Variants in PDE4D observed in about 807,000 individuals in gnomAD.
PDE4D encodes the protein phosphodiesterase 4D, also known as 3',5'-cyclic-AMP phosphodiesterase 4D.
PDE4D carries 24 observed loss-of-function variants against 87.4 expected under a neutral mutation model. The ratio of observed to expected loss-of-function variants is 0.27; its 90% confidence interval spans 0.20 to 0.39. The LOEUF (loss-of-function observed/expected upper bound fraction) is 0.39. Among genes scored for constraint, PDE4D ranks in the 10% least tolerant of loss-of-function variants. PDE4D has a pLI of 1.00. For missense variants in PDE4D, 714 were observed against 1,041.0 expected (o/e 0.69, Z 4.32); for synonymous variants, 384 against 383.2 (o/e 1.00, Z -0.02).
intron 2 of PDE4D, among the ~76,000 whole-genome samples, chr5:60,115,317 C>T (rs933861195): frequency 1.3e-5 from 2 of 151,986 alleles, no homozygotes; most frequent in African/African-American, 4.8e-5. Flanking sequence ...GGGTAAGATT[C>T]GCCACCATGT....
chr5:59,656,377 T>A (rs181312751), intron 1 of PDE4D, among the ~76,000 whole-genome samples: 1 of 152,358 alleles, frequency 6.6e-6, no homozygotes, highest in East Asian at 1.9e-4. Flanking sequence ...GGAAGTTATG[T>A]GACAAGGACA....
intron 5 of PDE4D, among the ~76,000 whole-genome samples, chr5:59,092,099 A>G (rs1449956047): frequency 6.6e-6 from 1 of 152,202 alleles, no homozygotes; most frequent in Non-Finnish European, 1.5e-5. Flanking sequence ...TTTTAATCTC[A>G]GTGATCTCTA....
At chr5:59,206,017 G>A (rs1748716956) in intron 2 of PDE4D, among the ~76,000 whole-genome samples, 1 of 152,142 alleles carries the variant, frequency 6.6e-6, no homozygotes, top group Admixed American at 6.5e-5. Context: ...AGAGAGGGTT[G>A]CAGGAATTGA....
chr5:59,289,193 C>T (rs34739), intron 1 of PDE4D, among the ~76,000 whole-genome samples: 2 of 151,764 alleles, frequency 1.3e-5, no homozygotes, highest in Admixed American at 1.3e-4. Context: ...AGTTTTAAAG[C>T]GGGGGACAAA....
At chr5:60,079,473 T>G (rs1416128857) in intron 2 of PDE4D, among the ~76,000 whole-genome samples, 2 of 152,222 alleles carry the variant, frequency 1.3e-5, no homozygotes, top group Non-Finnish European at 2.9e-5. Context: ...TGAATAGTAT[T>G]GCCTAGGTTT....
rs1756591372 is a variant in PDE4D at position 60,324,444 on chromosome 5, C to T, written c.-89-138757G>A. ...AAAAGTGTCTCTTGAAAGAACAGAACTGTCAATCCCAACTCAAAGATGCTG... is the reference window on the plus strand; with the variant it reads ...AAAAGTGTCTCTTGAAAGAACAGAATTGTCAATCCCAACTCAAAGATGCTG... On this transcript the variant is annotated intron_variant, in intron 1 of 16. Coordinates refer to the PDE4D transcript ENST00000502484. Among the ~76,000 whole-genome samples the T allele has an allele frequency of 2.0e-5, 3 of 152,320 alleles. No individual in the cohort carries two copies. In the South Asian group the frequency reaches 6.2e-4, roughly 32 times the overall value.
intron 1 of PDE4D, among the ~76,000 whole-genome samples, chr5:59,552,390 C>T (rs1818266152): frequency 1.3e-5 from 2 of 152,242 alleles, no homozygotes; most frequent in African/African-American, 4.8e-5. Flanking sequence ...TAAATACCCA[C>T]ATAGCTATAA....
intron 1 of PDE4D, among the ~76,000 whole-genome samples, chr5:59,635,551 C>A (rs1046145867): frequency 1.3e-5 from 2 of 152,156 alleles, no homozygotes; most frequent in Admixed American, 6.6e-5. Context: ...ACGATCAAGT[C>A]GGCTTCATCC....
rs956888989 is a variant in PDE4D at position 59,380,745 on chromosome 5, T to C, written c.456-164777A>G. On this transcript the variant is annotated intron_variant, in intron 1 of 14. Coordinates refer to ENST00000340635, the MANE Select transcript of PDE4D (RefSeq NM_001104631.2). ...ATTTCATTCTTAGACCAAGTGTTTA[T>C]CTGTATCTGAAGGGGGCCAACATAC... is the stretch of plus-strand genomic sequence containing the variant. Among the ~76,000 whole-genome samples, 9 of 152,192 alleles carry C rather than the reference T, an allele frequency of 5.9e-5. No homozygotes were observed. In the South Asian group the frequency reaches 1.2e-3, roughly 21 times the overall value.
At chr5:60,445,347 TTA>T (rs1316416035) in intron 1 of PDE4D, among the ~76,000 whole-genome samples, 24 of 152,188 alleles carry the variant, frequency 1.6e-4, no homozygotes, top group African/African-American at 5.5e-4. Context: ...AAATTTTATA[TTA>T]TGTTTTTTCA....
chr5:60,153,615 A>G (rs2149446307), intron 2 of PDE4D, among the ~76,000 whole-genome samples: 1 of 152,372 alleles, frequency 6.6e-6, no homozygotes, highest in East Asian at 1.9e-4. Context: ...ATATAGTATC[A>G]AACTACATGT....
chr5:58,975,815 C>T lies in PDE4D; in HGVS notation c.1855G>A (p.Ala619Thr), dbSNP rs1313607193. 1 of 1,592,894 alleles carries T rather than the reference C, an allele frequency of 6.3e-7. No individual in the cohort carries two copies. The highest frequency in any genetic ancestry group is 1.8e-5 in the Admixed American group (1 of 57,068). ...IQVLQNMVHC[A>T]DLSNPTKPLQ... ...GGCTTTGTTGGGTTGCTCAGATCTG[C>T]ACAGTGCACCATATTCTGAAGAACC... is the stretch of plus-strand genomic sequence containing the variant. Residue 619 changes from alanine to threonine, a missense_variant, in exon 14 of 15, where the codon GCA (alanine) becomes ACA (threonine). By Grantham distance (58) the Ala-to-Thr change is moderately conservative. Around this residue, in one of 7 missense-constraint regions of PDE4D, gnomAD observed 97 missense variants for 176.9 expected, o/e 0.55. Coordinates refer to ENST00000340635, the MANE Select transcript of PDE4D (RefSeq NM_001104631.2). The surrounding 1 kb of genome is among the most constrained non-coding windows in gnomAD (Gnocchi z 4.2).
chr5:60,050,755 G>A (rs571399659), intron 2 of PDE4D, among the ~76,000 whole-genome samples: 6 of 152,236 alleles, frequency 3.9e-5, no homozygotes, highest in African/African-American at 1.4e-4. Flanking sequence ...TGGATAAAGA[G>A]GCAAGATCCA....
intron 1 of PDE4D, among the ~76,000 whole-genome samples, chr5:59,872,391 T>A (rs1214149243): frequency 6.6e-6 from 1 of 152,090 alleles, no homozygotes; most frequent in Admixed American, 6.6e-5. Context: ...AATCAGCAAG[T>A]TTTTTGCAAT....
intron 1 of PDE4D, among the ~76,000 whole-genome samples, chr5:60,399,134 T>C (rs1347959839): frequency 6.6e-6 from 1 of 152,224 alleles, no homozygotes; most frequent in African/African-American, 2.4e-5. Flanking sequence ...TATTTTATAG[T>C]TGCACTCTCA....
chr5:60,221,816 G>A (rs1461174519), intron 1 of PDE4D, among the ~76,000 whole-genome samples: 1 of 152,080 alleles, frequency 6.6e-6, no homozygotes, highest in African/African-American at 2.4e-5. Flanking sequence ...TCCAATGTGT[G>A]AATATACTAC....
At chr5:59,507,967 T>C (rs1246521475) in intron 1 of PDE4D, among the ~76,000 whole-genome samples, 1 of 152,176 alleles carries the variant, frequency 6.6e-6, no homozygotes, top group African/African-American at 2.4e-5. Flanking sequence ...TTTTTCCTCT[T>C]ATGGTATAAT....
rs184118651 is a variant in PDE4D, at chr5:59,968,252, G to T, written c.272+20236C>A. On this transcript the variant is annotated intron_variant, in intron 3 of 16. Transcript: ENST00000502484. ...ACCTGTCTCGACCTCCCAAAGTGCTGGGATTACAGGTGTGAGCCACTGCGC... is the reference window on the plus strand; with the variant it reads ...ACCTGTCTCGACCTCCCAAAGTGCTTGGATTACAGGTGTGAGCCACTGCGC... Among the ~76,000 whole-genome samples the T allele has an allele frequency of 3.7e-3, 562 of 151,430 alleles. 22 individuals are homozygous for T. In the East Asian group the frequency reaches 0.089, roughly 24 times the overall value.
chr5:59,087,797 A>T (rs1767988556), intron 5 of PDE4D, among the ~76,000 whole-genome samples: 1 of 152,112 alleles, frequency 6.6e-6, no homozygotes, highest in Admixed American at 6.6e-5. Context: ...ATTTGCTCGA[A>T]CTATTGACCC....
Sources: allele counts gnomAD v4.1 joint callset (sites outside exome capture counted in the v4.1 genomes callset), GRCh38; gene constraint gnomAD v4.1.1; regional missense constraint gnomAD v4.1.1; non-coding constraint Gnocchi (gnomAD v3.1); transcripts MANE v1.5; gene names NCBI Gene and HGNC (gene_info 2026-07-23, HGNC 2026-07-21).